FBXO31: variants seen among roughly 807,000 people sequenced by gnomAD.
FBXO31 encodes the protein F-box only protein 31.
Under a neutral mutation model 54.4 loss-of-function variants are expected in FBXO31, and 24 were observed. The observed-to-expected ratio is 0.44, with a 90% CI of 0.32 to 0.62. The LOEUF (loss-of-function observed/expected upper bound fraction) is 0.62, where lower values mean the gene tolerates loss of function less well. FBXO31 is among the 20% of genes least tolerant of loss of function. The probability of loss-of-function intolerance (pLI) is 0.05; values close to 1 mark genes in which losing one functional copy is unlikely to be tolerated. For synonymous variants in FBXO31, 388 were observed against 335.6 expected (o/e 1.16, Z -1.71); for missense variants, 665 against 787.1 (o/e 0.84, Z 1.86).
chr16:87,359,209 G>A (rs1906027131), intron 2 of FBXO31, among the ~76,000 whole-genome samples: 1 of 152,228 alleles, frequency 6.6e-6, no homozygotes, highest in Admixed American at 6.5e-5. Flanking sequence ...CTTTCAAGGG[G>A]TCAAGAATCA....
chr16:87,365,010 A>AATACATATATATATAT (rs1906294219), intron 1 of FBXO31, among the ~76,000 whole-genome samples: 1 of 47,684 alleles, frequency 2.1e-5, no homozygotes, highest in African/African-American at 1.0e-4. Flanking sequence ...CCGTCTCTTA[A>AATACATATATATATAT]ATATATATAT....
chr16:87,389,827 C>T (rs1567495299), exon 1 of FBXO31: 1 of 152,102 alleles, frequency 6.6e-6, no homozygotes, highest in Non-Finnish European at 1.5e-5. Context: ...GGCACAGCTT[C>T]AGAGGTTAAA....
upstream of FBXO31, among the ~76,000 whole-genome samples, chr16:87,387,796 C>T (rs1478934423): frequency 1.3e-5 from 2 of 152,106 alleles, no homozygotes; most frequent in African/African-American, 2.4e-5. Context: ...GCATTCCAGC[C>T]TGGGCGACAG....
chr16:87,376,276 C>CT (rs879607258), intron 1 of FBXO31, among the ~76,000 whole-genome samples: 1,593 of 145,528 alleles, frequency 0.011, 28 homozygotes, highest in African/African-American at 0.032. Flanking sequence ...TTTTTTCTTT[C>CT]TTTTTTTTTT....
chr16:87,355,377 G>A (rs1273651423), intron 2 of FBXO31, among the ~76,000 whole-genome samples: 1 of 152,180 alleles, frequency 6.6e-6, no homozygotes, highest in Non-Finnish European at 1.5e-5. Context: ...ATTTTGAGAC[G>A]CTCTCCATGA....
chr16:87,357,718 G>GCAGAT (rs1010292750), intron 2 of FBXO31, among the ~76,000 whole-genome samples: 28 of 152,140 alleles, frequency 1.8e-4, no homozygotes, highest in African/African-American at 6.8e-4. Flanking sequence ...GCCGAGATGG[G>GCAGAT]CAGATCACTT....
upstream of FBXO31, chr16:87,383,793 G>C: frequency 1.7e-6 from 2 of 1,152,010 alleles, no homozygotes; most frequent in Non-Finnish European, 2.1e-6. The surrounding 1 kb of genome is among the most constrained non-coding windows in gnomAD (Gnocchi z 4.9). Context: ...GCTCCAGCGC[G>C]GCCCCGCCCC....
chr16:87,382,476 T>C (rs544491602), intron 1 of FBXO31, among the ~76,000 whole-genome samples: 12 of 152,272 alleles, frequency 7.9e-5, no homozygotes, highest in East Asian at 1.9e-4. Context: ...GAGAGAGCCT[T>C]GAACTCCAGA....
chr16:87,381,267 C>CA (rs1567491292), intron 1 of FBXO31, among the ~76,000 whole-genome samples: 2 of 151,900 alleles, frequency 1.3e-5, no homozygotes, highest in Non-Finnish European at 2.9e-5. Context: ...GAGAAAAAGA[C>CA]AAAAATAGAC....
chr16:87,347,085 T>C, intron 3 of FBXO31, 89 bp downstream of exon 3: 1 of 1,178,576 alleles, frequency 8.5e-7, no homozygotes, highest in Non-Finnish European at 1.3e-6. Context: ...GGCCAGCTTG[T>C]ACCCAGGTAG....
At position 87,338,244 on chromosome 16, in the gene FBXO31, A is replaced by T. The variant is rs965928225; in HGVS notation, c.733-1980T>A. Among the ~76,000 whole-genome samples, 22 of 152,024 alleles carry T rather than the reference A, an allele frequency of 1.4e-4. No homozygotes were observed. The highest frequency in any genetic ancestry group is 2.2e-4 in the Non-Finnish European group (15 of 68,006). On this transcript the variant is annotated intron_variant, in intron 5 of 8. Transcript: ENST00000311635. This position sits in a 1 kb window ranked among gnomAD's most constrained non-coding sequence, Gnocchi z 4.3. ...ACACATACAAGCCACAAGAAAAAAA[A>T]AAAAACAGGGAGCCCAGGACATGCA...
At position 87,329,750 on chromosome 16, in the gene FBXO31, C is replaced by G. The variant is rs1041202777; in HGVS notation, c.*1538G>C. The G allele has an allele frequency of 1.3e-5, 2 of 152,272 alleles. No homozygotes were observed. Among genetic ancestry groups the G allele is most frequent in the Admixed American group, 6.5e-5 (1 of 15,288 alleles). 9.4% of individuals were successfully genotyped at this position (152,272 alleles called of 1,614,324 possible). ...GGGCGCTTTCTCCACTGGCTTTTCT[C>G]GTGAGTCTTTCTCCCAGGCCGGCCA... On this transcript the variant is annotated 3_prime_UTR_variant, in exon 9 of 9. Transcript: ENST00000311635.
rs919171229 is a variant in FBXO31, at chr16:87,337,599, G to A, written c.733-1335C>T. On this transcript the variant is annotated intron_variant, in intron 5 of 8. Coordinates refer to ENST00000311635, the MANE Select transcript of FBXO31 (RefSeq NM_024735.5). ...CCTCACACGGGCACCAACAGAGCCAGGAGCCCAGAAACCCTCATGTGGACC... is the reference window on the plus strand; with the variant it reads ...CCTCACACGGGCACCAACAGAGCCAAGAGCCCAGAAACCCTCATGTGGACC... Among the ~76,000 whole-genome samples, 4 of 152,342 alleles carry A rather than the reference G, an allele frequency of 2.6e-5. No homozygotes were observed. In the East Asian group the frequency reaches 5.8e-4, roughly 22 times the overall value.
chr16:87,364,540 A>G (rs1045037277), intron 1 of FBXO31, among the ~76,000 whole-genome samples: 1 of 152,168 alleles, frequency 6.6e-6, no homozygotes, highest in Non-Finnish European at 1.5e-5. Context: ...ACCGAGATCA[A>G]CTAACTATTC....
At chr16:87,349,521 C>T (rs1327443616) in intron 2 of FBXO31, among the ~76,000 whole-genome samples, 1 of 152,104 alleles carries the variant, frequency 6.6e-6, no homozygotes. Flanking sequence ...ACCAGCCTGG[C>T]CAACATGGTG....
chr16:87,383,264 C>G lies in FBXO31; in HGVS notation c.340+141G>C. On this transcript the variant is annotated intron_variant, in intron 1 of 8. Coordinates refer to ENST00000311635, the MANE Select transcript of FBXO31 (RefSeq NM_024735.5). This position sits in a 1 kb window ranked among gnomAD's most constrained non-coding sequence, Gnocchi z 4.9. ...TCACCGCGGCCGCTCCCCACCCACA[C>G]CCAAAACACCACATCGCCGGGCCCC... is the stretch of plus-strand genomic sequence containing the variant. The G allele has an allele frequency of 1.2e-6, 1 of 824,654 alleles. No individual in the cohort carries two copies. The highest frequency in any genetic ancestry group is 1.8e-6 in the Non-Finnish European group (1 of 561,956). 51.1% of individuals were successfully genotyped at this position (824,654 alleles called of 1,614,324 possible).
rs1904761912 is a variant in FBXO31, at chr16:87,329,379, AGT to A, written c.*1907_*1908del. ...TTAATCAGAAGCACGTGCGTCCCAC[AGT>A]GTGCTCTTCAAGCCCCAAAGGGCAC... On this transcript the variant is annotated 3_prime_UTR_variant, in exon 9 of 9. Coordinates refer to ENST00000311635, the MANE Select transcript of FBXO31 (RefSeq NM_024735.5). 1 of 152,292 alleles carries A rather than the reference AGT, an allele frequency of 6.6e-6. No homozygotes were observed. The highest frequency in any genetic ancestry group is 1.5e-5 in the Non-Finnish European group (1 of 68,058). 9.4% of individuals were successfully genotyped at this position (152,292 alleles called of 1,614,324 possible).
chr16:87,365,010 A>AATATATATATACATATATATAT (rs1555512906), intron 1 of FBXO31, among the ~76,000 whole-genome samples: 4 of 47,682 alleles, frequency 8.4e-5, no homozygotes, highest in African/African-American at 4.1e-4. Context: ...CCGTCTCTTA[A>AATATATATATACATATATATAT]ATATATATAT....
upstream of FBXO31, among the ~76,000 whole-genome samples, chr16:87,385,118 G>A (rs1463546247): frequency 1.3e-5 from 2 of 151,150 alleles, no homozygotes; most frequent in Non-Finnish European, 1.5e-5. Flanking sequence ...CCAGGAGTCG[G>A]AGACCAGCCT....
Sources: allele counts gnomAD v4.1 joint callset (sites outside exome capture counted in the v4.1 genomes callset), GRCh38; gene constraint gnomAD v4.1.1; non-coding constraint Gnocchi (gnomAD v3.1); transcripts MANE v1.5; gene names NCBI Gene and HGNC (gene_info 2026-07-23, HGNC 2026-07-21).